The following CSMD1 variants were observed in gnomAD, a reference collection of about 807,000 sequenced individuals.
CSMD1 encodes CUB and Sushi multiple domains 1.
Under a neutral mutation model 417.5 loss-of-function variants are expected in CSMD1, and 213 were observed. The observed-to-expected ratio is 0.51, with a 90% CI of 0.46 to 0.57. The LOEUF (loss-of-function observed/expected upper bound fraction) is 0.57, where lower values mean the gene tolerates loss of function less well. Ranked by LOEUF, CSMD1 falls within the 20% of genes least tolerant of loss-of-function variation. The pLI, the probability that CSMD1 is intolerant of heterozygous loss-of-function variation, is 0.00. For missense variants in CSMD1, 6,923 were observed against 4,529.7 expected (o/e 1.53, Z -15.17); for synonymous variants, 2,862 against 1,736.8 (o/e 1.65, Z -16.11).
intron 25 of CSMD1, among the ~76,000 whole-genome samples, chr8:3,302,334 T>C (rs1409651383): frequency 6.6e-6 from 1 of 152,174 alleles, no homozygotes; most frequent in African/African-American, 2.4e-5. Flanking sequence ...TCCATCGTTC[T>C]CATCACAGCA....
At chr8:3,513,188 T>C (rs960317242) in intron 10 of CSMD1, among the ~76,000 whole-genome samples, 3 of 152,164 alleles carry the variant, frequency 2.0e-5, no homozygotes, top group African/African-American at 4.8e-5. Context: ...CTGGCAAACT[T>C]TGGGAAAAAA....
At chr8:4,140,471 A>C (rs73178312) in intron 3 of CSMD1, among the ~76,000 whole-genome samples, 45,211 of 150,576 alleles carry the variant, frequency 0.3, 8,434 homozygotes, top group Non-Finnish European at 0.39. Context: ...GCACTCCAGT[A>C]TAAGCAACAA....
intron 5 of CSMD1, among the ~76,000 whole-genome samples, chr8:3,834,294 T>C (rs1333472088): frequency 6.6e-6 from 1 of 152,174 alleles, no homozygotes; most frequent in African/African-American, 2.4e-5. Context: ...TGACATTCCA[T>C]GACTTCCCTT....
intron 26 of CSMD1, among the ~76,000 whole-genome samples, chr8:3,272,441 A>T (rs1187177711): frequency 6.6e-6 from 1 of 150,724 alleles, no homozygotes; most frequent in East Asian, 1.9e-4. Flanking sequence ...TATGAACTTT[A>T]AAGTAGTTTT....
chr8:4,331,365 T>C (rs2128890721), intron 3 of CSMD1, among the ~76,000 whole-genome samples: 1 of 152,276 alleles, frequency 6.6e-6, no homozygotes, highest in East Asian at 1.9e-4. Context: ...AAGCTTCCTG[T>C]CACGTGTGTT....
intron 1 of CSMD1, among the ~76,000 whole-genome samples, chr8:4,894,320 A>G (rs956426801): frequency 1.3e-4 from 19 of 151,852 alleles, no homozygotes; most frequent in Non-Finnish European, 2.5e-4. Flanking sequence ...TTCATTTTTT[A>G]TTTAATTTTC....
chr8:3,872,432 C>T (rs139299742), intron 5 of CSMD1, among the ~76,000 whole-genome samples: 23 of 152,252 alleles, frequency 1.5e-4, no homozygotes, highest in Non-Finnish European at 2.6e-4. Flanking sequence ...AGTTAAAACG[C>T]ATTATCCGAA....
intron 5 of CSMD1, among the ~76,000 whole-genome samples, chr8:3,829,005 T>C (rs1207641783): frequency 1.3e-5 from 2 of 152,160 alleles, no homozygotes; most frequent in African/African-American, 4.8e-5. Flanking sequence ...TTCCTCTGTC[T>C]ACAATCACCT....
At chr8:3,540,947 C>T (rs1310757960) in intron 10 of CSMD1, among the ~76,000 whole-genome samples, 2 of 152,176 alleles carry the variant, frequency 1.3e-5, no homozygotes, top group African/African-American at 4.8e-5. Flanking sequence ...TAACTTAGTT[C>T]AACCATTGTG....
At chr8:4,309,782 T>A (rs757736962) in intron 3 of CSMD1, among the ~76,000 whole-genome samples, 1 of 152,190 alleles carries the variant, frequency 6.6e-6, no homozygotes, top group African/African-American at 2.4e-5. Flanking sequence ...CAATGAAGCA[T>A]AGAAACCTCA....
intron 1 of CSMD1, among the ~76,000 whole-genome samples, chr8:4,933,851 A>G (rs1170402147): frequency 6.6e-6 from 1 of 152,196 alleles, no homozygotes; most frequent in Non-Finnish European, 1.5e-5. Flanking sequence ...TACTATAGAT[A>G]TTTACAAAGA....
chr8:3,934,840 C>G (rs1424158085), intron 5 of CSMD1, among the ~76,000 whole-genome samples: 1 of 152,114 alleles, frequency 6.6e-6, no homozygotes, highest in Non-Finnish European at 1.5e-5. Flanking sequence ...GAGCAAGACT[C>G]TGTCTCAATA....
chr8:4,331,450 A>C (rs1470261444), intron 3 of CSMD1, among the ~76,000 whole-genome samples: 1 of 152,192 alleles, frequency 6.6e-6, no homozygotes, highest in Admixed American at 6.5e-5. Flanking sequence ...GTTTCTGGTA[A>C]CGAGAGCCTT....
intron 2 of CSMD1, among the ~76,000 whole-genome samples, chr8:4,430,416 G>A (rs1797809964): frequency 6.6e-6 from 1 of 152,072 alleles, no homozygotes; most frequent in Non-Finnish European, 1.5e-5. Flanking sequence ...TTATGACATA[G>A]TCTACCTTCT....
intron 3 of CSMD1, among the ~76,000 whole-genome samples, chr8:4,126,012 A>G (rs1307784500): frequency 6.6e-6 from 1 of 152,042 alleles, no homozygotes; most frequent in Non-Finnish European, 1.5e-5. Context: ...CAGACCCTGC[A>G]CTCCATGGAT....
At chr8:4,149,362 A>G (rs2131047660) in intron 3 of CSMD1, among the ~76,000 whole-genome samples, 1 of 152,308 alleles carries the variant, frequency 6.6e-6, no homozygotes, top group East Asian at 1.9e-4. Context: ...AAAAAGATAC[A>G]CTTTGGTATA....
At chr8:3,726,042 T>A (rs1040686966) in intron 6 of CSMD1, among the ~76,000 whole-genome samples, 1 of 152,160 alleles carries the variant, frequency 6.6e-6, no homozygotes, top group Admixed American at 6.5e-5. Flanking sequence ...TGAAGAATTA[T>A]GCAGCTCTCA....
intron 3 of CSMD1, among the ~76,000 whole-genome samples, chr8:4,139,655 C>A (rs1803661706): frequency 1.3e-5 from 2 of 151,060 alleles, no homozygotes; most frequent in Non-Finnish European, 2.9e-5. Context: ...GATGCAAGGG[C>A]AAAGGGATGC....
chr8:4,273,405 C>G (rs1237097103), intron 3 of CSMD1, among the ~76,000 whole-genome samples: 1 of 152,106 alleles, frequency 6.6e-6, no homozygotes, highest in Non-Finnish European at 1.5e-5. Flanking sequence ...ATAACCGGTG[C>G]AACCCTGCTC....
Sources: allele counts gnomAD v4.1 joint callset (sites outside exome capture counted in the v4.1 genomes callset), GRCh38; gene constraint gnomAD v4.1.1; transcripts MANE v1.5; gene names NCBI Gene and HGNC (gene_info 2026-07-23, HGNC 2026-07-21).